The following SORCS1 variants were observed in gnomAD, a reference collection of about 807,000 sequenced individuals.
The protein encoded by SORCS1 is VPS10 domain-containing receptor SorCS1.
In SORCS1, 60 loss-of-function variants were observed where a neutral mutation model predicts 146.1. That is an observed-to-expected ratio of 0.41 (90% CI 0.33 to 0.51). The LOEUF (loss-of-function observed/expected upper bound fraction) is 0.51, where lower values mean the gene tolerates loss of function less well. Ranked by LOEUF, SORCS1 falls within the 20% of genes least tolerant of loss-of-function variation. SORCS1 has a pLI of 0.21. For synonymous variants in SORCS1, 637 were observed against 584.0 expected (o/e 1.09, Z -1.31); for missense variants, 1,352 against 1,487.6 (o/e 0.91, Z 1.50).
chr10:106,841,363 G>A (rs781510718), intron 2 of SORCS1, among the ~76,000 whole-genome samples: 6 of 151,892 alleles, frequency 4.0e-5, no homozygotes, highest in African/African-American at 7.2e-5. Context: ...CCAGCTACTC[G>A]GGAGGCTGAG....
At chr10:107,013,068 T>G (rs1957752920) in intron 1 of SORCS1, among the ~76,000 whole-genome samples, 1 of 152,200 alleles carries the variant, frequency 6.6e-6, no homozygotes, top group South Asian at 2.1e-4. Context: ...CAGCATTCAA[T>G]TCCATATCCC....
At chr10:106,703,894 C>A (rs1854315832) in intron 8 of SORCS1, among the ~76,000 whole-genome samples, 1 of 152,208 alleles carries the variant, frequency 6.6e-6, no homozygotes, top group Admixed American at 6.5e-5. Context: ...GTACTAGCCC[C>A]TATTTTTTCT....
chr10:107,176,576 G>A, the SORCS1 span, among the ~76,000 whole-genome samples: 1 of 152,056 alleles, frequency 6.6e-6, no homozygotes, highest in Non-Finnish European at 1.5e-5. Context: ...CTGGTCTCAA[G>A]CGATCCTCCC....
chr10:106,691,859 C>T (rs1853320352), intron 9 of SORCS1, among the ~76,000 whole-genome samples: 2 of 152,162 alleles, frequency 1.3e-5, no homozygotes, highest in African/African-American at 4.8e-5. Flanking sequence ...CTCAATATTC[C>T]TGTAAACATC....
intron 1 of SORCS1, among the ~76,000 whole-genome samples, chr10:107,000,856 T>A (rs1477113873): frequency 6.6e-6 from 1 of 152,052 alleles, no homozygotes; most frequent in Non-Finnish European, 1.5e-5. Context: ...AATGCCAGTT[T>A]AGGGAAGGGT....
chr10:106,731,631 C>T (rs1256489489), intron 5 of SORCS1, among the ~76,000 whole-genome samples: 1 of 152,104 alleles, frequency 6.6e-6, no homozygotes, highest in Non-Finnish European at 1.5e-5. Flanking sequence ...GTTATAAATC[C>T]TGTAAGGTCC....
intron 5 of SORCS1, among the ~76,000 whole-genome samples, chr10:106,747,996 A>G (rs1857868212): frequency 6.6e-6 from 1 of 152,196 alleles, no homozygotes; most frequent in South Asian, 2.1e-4. Context: ...TCACTCAGAA[A>G]ATATTTATTG....
rs574729007 is a variant in SORCS1 at position 106,926,010 on chromosome 10, GA to G, written c.626+30502del. Reference sequence around the variant, plus strand: ...TAAACAATTCTAAGACACTTTGGAAGAAAAAAAAGACTGAAAAATAATTTCC... The same window carrying G: ...TAAACAATTCTAAGACACTTTGGAAGAAAAAAAGACTGAAAAATAATTTCC... On this transcript the variant is annotated intron_variant, in intron 2 of 25. Transcript: ENST00000263054. Among the ~76,000 whole-genome samples, 15 of 151,784 alleles carry G rather than the reference GA, an allele frequency of 9.9e-5. No individual in the cohort carries two copies. In the South Asian group the frequency reaches 3.1e-3, roughly 31 times the overall value.
intron 1 of SORCS1, among the ~76,000 whole-genome samples, chr10:106,980,006 T>C (rs2077396452): frequency 6.6e-6 from 1 of 152,242 alleles, no homozygotes; most frequent in South Asian, 2.1e-4. Flanking sequence ...GAATGAAAGC[T>C]TTTTAAAAAG....
chr10:106,803,925 C>A (rs1458907240), intron 3 of SORCS1, among the ~76,000 whole-genome samples: 2 of 152,126 alleles, frequency 1.3e-5, no homozygotes, highest in African/African-American at 4.8e-5. Context: ...ACAGATGACT[C>A]ATGTGAACAA....
At chr10:106,694,584 A>G (rs1399135854) in intron 9 of SORCS1, among the ~76,000 whole-genome samples, 1 of 152,188 alleles carries the variant, frequency 6.6e-6, no homozygotes, top group Non-Finnish European at 1.5e-5. Context: ...ATGTATCTTC[A>G]ATAGGACAGC....
chr10:107,158,929 ACATT>A (rs1969502014), intron 1 of SORCS1, among the ~76,000 whole-genome samples: 1 of 151,954 alleles, frequency 6.6e-6, no homozygotes, highest in Non-Finnish European at 1.5e-5. Flanking sequence ...CTGACAGTCA[ACATT>A]CATGTCAATG....
At chr10:106,716,858 G>A (rs1298285423) in intron 6 of SORCS1, among the ~76,000 whole-genome samples, 1 of 151,956 alleles carries the variant, frequency 6.6e-6, no homozygotes, top group Non-Finnish European at 1.5e-5. Context: ...AATCCAGGCC[G>A]GGCTCGGTGA....
intron 10 of SORCS1, among the ~76,000 whole-genome samples, chr10:106,686,918 C>T (rs981024623): frequency 1.3e-5 from 2 of 152,150 alleles, no homozygotes; most frequent in Admixed American, 1.3e-4. Flanking sequence ...GTCAGAACCG[C>T]ATGAAGAGTG....
intron 6 of SORCS1, among the ~76,000 whole-genome samples, chr10:106,718,190 TG>T (rs2135915029): frequency 6.6e-6 from 1 of 152,270 alleles, no homozygotes; most frequent in East Asian, 1.9e-4. Context: ...GAACACTGGC[TG>T]TGTGTTTTGC....
intron 18 of SORCS1, among the ~76,000 whole-genome samples, chr10:106,630,434 T>G (rs993605314): frequency 3.3e-5 from 5 of 152,128 alleles, no homozygotes; most frequent in African/African-American, 1.2e-4. Flanking sequence ...TTAACACAGC[T>G]AGTAAGTGGC....
chr10:106,640,305 G>A (rs540614635), intron 18 of SORCS1, among the ~76,000 whole-genome samples: 2 of 152,244 alleles, frequency 1.3e-5, no homozygotes, highest in African/African-American at 2.4e-5. Flanking sequence ...ACGGATCATT[G>A]AAACCTGTCT....
intron 5 of SORCS1, among the ~76,000 whole-genome samples, chr10:106,742,946 C>T (rs573141846): frequency 5.5e-4 from 83 of 152,110 alleles, no homozygotes; most frequent in Non-Finnish European, 1.0e-3. Context: ...GACAGGGAAG[C>T]TATTTTGTGA....
chr10:107,058,952 T>A (rs1428070957), intron 1 of SORCS1, among the ~76,000 whole-genome samples: 3 of 152,184 alleles, frequency 2.0e-5, no homozygotes, highest in Admixed American at 2.0e-4. Flanking sequence ...ACTAGGGACA[T>A]CACCAACTAA....
Sources: allele counts gnomAD v4.1 joint callset (sites outside exome capture counted in the v4.1 genomes callset), GRCh38; gene constraint gnomAD v4.1.1; transcripts MANE v1.5; gene names NCBI Gene and HGNC (gene_info 2026-07-23, HGNC 2026-07-21).